Variants in LAMA2 observed in about 807,000 individuals in gnomAD.
LAMA2 encodes laminin subunit alpha-2.
LAMA2 carries 269 observed loss-of-function variants against 364.8 expected under a neutral mutation model. That is an observed-to-expected ratio of 0.74 (90% confidence interval 0.67 to 0.82). LAMA2 has a LOEUF of 0.82. Ranked by LOEUF, LAMA2 falls within the 40% of genes least tolerant of loss-of-function variation. LAMA2 has a pLI of 0.00. For synonymous variants in LAMA2, 1,379 were observed against 1,370.6 expected, an observed-to-expected ratio of 1.01 and a Z score of -0.14; for missense variants, 3,807 against 3,873.2, an observed-to-expected ratio of 0.98 and a Z score of 0.45.
At chr6:129,405,994 A>G (rs1780229284) in intron 40 of LAMA2, among the ~76,000 whole-genome samples, 1 of 152,118 alleles carries the variant, frequency 6.6e-6, no homozygotes, top group Non-Finnish European at 1.5e-5. Context: ...CAATTTATAC[A>G]TTTGCAGGAG....
chr6:129,013,501 A>T (rs1002040918), intron 1 of LAMA2, among the ~76,000 whole-genome samples: 1 of 152,152 alleles, frequency 6.6e-6, no homozygotes, highest in Non-Finnish European at 1.5e-5. Flanking sequence ...GACAGCTATT[A>T]AGGTGGTCAA....
At chr6:129,297,892 A>T (rs754116611) in intron 21 of LAMA2, 27 bp downstream of exon 21, 5 of 1,593,766 alleles carry the variant, frequency 3.1e-6, no homozygotes, top group Non-Finnish European at 4.3e-6. Flanking sequence ...TAAGTCCTAC[A>T]TATTCACTCT....
rs185263120 is a variant in LAMA2 at position 129,103,507 on chromosome 6, C to T, written c.639+5092C>T. Among the ~76,000 whole-genome samples the T allele has an allele frequency of 3.5e-4, 54 of 152,228 alleles. No individual in the cohort carries two copies. In the East Asian group the frequency reaches 0.01, roughly 29 times the overall value. ...TTTTACCAATTTCATTTTTTCTCTT[C>T]TGGGATCCAATTCAGGTACTATTTT... On this transcript the variant is annotated intron_variant, in intron 4 of 64. Transcript: ENST00000421865.
At chr6:129,219,813 T>G (rs866140780) in intron 12 of LAMA2, among the ~76,000 whole-genome samples, 4 of 92,356 alleles carry the variant, frequency 4.3e-5, no homozygotes, top group Admixed American at 1.6e-4. Context: ...AACATCACAC[T>G]CTGGGGACTG....
chr6:129,052,874 G>A (rs906116234), intron 2 of LAMA2, among the ~76,000 whole-genome samples: 5 of 152,020 alleles, frequency 3.3e-5, no homozygotes, highest in Non-Finnish European at 5.9e-5. Flanking sequence ...GCTGGTTAAA[G>A]AGAGGCATGC....
intron 1 of LAMA2, among the ~76,000 whole-genome samples, chr6:128,961,354 T>TTATATATATATATATATA (rs1554335639): frequency 1.3e-5 from 1 of 77,624 alleles, no homozygotes; most frequent in African/African-American, 4.6e-5. Context: ...TATATATATA[T>TTATATATATATATATATA]ATATATATAT....
intron 52 of LAMA2, among the ~76,000 whole-genome samples, chr6:129,473,731 A>G (rs1247848636): frequency 1.3e-5 from 2 of 152,094 alleles, no homozygotes; most frequent in Non-Finnish European, 2.9e-5. Context: ...TCAGTGTTCC[A>G]GGATGCTATG....
chr6:129,023,111 C>G (rs1380992149), intron 1 of LAMA2, among the ~76,000 whole-genome samples: 1 of 152,148 alleles, frequency 6.6e-6, no homozygotes, highest in Non-Finnish European at 1.5e-5. Flanking sequence ...GCCTCATATT[C>G]ATTCATTCTT....
chr6:129,035,520 A>G (rs1241402454), intron 1 of LAMA2, among the ~76,000 whole-genome samples: 1 of 60,880 alleles, frequency 1.6e-5, no homozygotes. Flanking sequence ...ATTAAGTCCC[A>G]TTTGTTCATT....
At chr6:128,983,630 A>T (rs985305303) in intron 1 of LAMA2, among the ~76,000 whole-genome samples, 11 of 152,132 alleles carry the variant, frequency 7.2e-5, no homozygotes, top group African/African-American at 2.4e-4. Context: ...CACCTTGCTA[A>T]AAAGTTTGGA....
chr6:129,360,538 C>G (rs1777401685), intron 32 of LAMA2, among the ~76,000 whole-genome samples: 1 of 152,084 alleles, frequency 6.6e-6, no homozygotes, highest in Admixed American at 6.6e-5. Context: ...TCTCTCTGAC[C>G]CATTCAGACA....
At chr6:129,273,283 A>G (rs1316790419) in intron 17 of LAMA2, among the ~76,000 whole-genome samples, 3 of 152,124 alleles carry the variant, frequency 2.0e-5, no homozygotes, top group Non-Finnish European at 4.4e-5. Flanking sequence ...TCTCTTAACC[A>G]TCTTCATTTA....
chr6:129,461,465 A>T (rs147642401), intron 49 of LAMA2, among the ~76,000 whole-genome samples: 5 of 152,162 alleles, frequency 3.3e-5, no homozygotes, highest in Non-Finnish European at 7.4e-5. Context: ...CAATAATCTT[A>T]AACAAAATTT....
At chr6:129,514,246 C>CAGTT in intron 63 of LAMA2, 127 bp from the exon 64 acceptor site, 1 of 770,016 alleles carries the variant, frequency 1.3e-6, no homozygotes, top group East Asian at 2.7e-5. Context: ...TCAATATGCC[C>CAGTT]AGTTACATCC....
intron 1 of LAMA2, among the ~76,000 whole-genome samples, chr6:128,976,952 T>C (rs4552747): frequency 0.2 from 30,856 of 152,142 alleles, 4,380 homozygotes; most frequent in African/African-American, 0.4. Flanking sequence ...GGAAGACTAC[T>C]GTGTGCTAGT....
At chr6:129,157,108 A>G (rs1779159435) in intron 8 of LAMA2, among the ~76,000 whole-genome samples, 2 of 152,154 alleles carry the variant, frequency 1.3e-5, no homozygotes, top group South Asian at 4.1e-4. Flanking sequence ...AACGAACTGA[A>G]TGTCTCAGGT....
chr6:129,336,948 C>G (rs1174880519), intron 29 of LAMA2, among the ~76,000 whole-genome samples: 2 of 152,086 alleles, frequency 1.3e-5, no homozygotes, highest in African/African-American at 4.8e-5. Flanking sequence ...GGGAAAATAT[C>G]CTGACAGATG....
At chr6:129,013,612 A>G (rs1397153958) in intron 1 of LAMA2, among the ~76,000 whole-genome samples, 1 of 152,192 alleles carries the variant, frequency 6.6e-6, no homozygotes. Context: ...AATGTCATCA[A>G]GGTGGACAGG....
At chr6:129,181,910 A>G (rs1039869891) in intron 10 of LAMA2, among the ~76,000 whole-genome samples, 2 of 151,776 alleles carry the variant, frequency 1.3e-5, no homozygotes, top group Non-Finnish European at 2.9e-5. Context: ...AGAGAAAAAT[A>G]TTAAAACTGG....
Sources: allele counts gnomAD v4.1 joint callset (sites outside exome capture counted in the v4.1 genomes callset), GRCh38; gene constraint gnomAD v4.1.1; transcripts MANE v1.5; gene names NCBI Gene and HGNC (gene_info 2026-07-23, HGNC 2026-07-21).